FBXO15: variants seen among roughly 807,000 people sequenced by gnomAD.
The protein encoded by FBXO15 is F-box only protein 15.
A neutral mutation model predicts 49.5 loss-of-function variants in FBXO15; 30 were observed. The ratio of observed to expected loss-of-function variants is 0.61; its 90% CI spans 0.45 to 0.82. FBXO15 has a LOEUF of 0.82. Among genes scored for constraint, FBXO15 ranks in the 40% least tolerant of loss-of-function variants. The probability of loss-of-function intolerance (pLI) is 0.00; values close to 1 mark genes in which losing one functional copy is unlikely to be tolerated. For synonymous variants in FBXO15, 250 were observed against 232.7 expected (o/e 1.07, Z -0.68); for missense variants, 591 against 631.5 (o/e 0.94, Z 0.69).
chr18:74,111,856 T>A (rs1417364860), intron 8 of FBXO15, among the ~76,000 whole-genome samples: 1 of 152,032 alleles, frequency 6.6e-6, no homozygotes, highest in African/African-American at 2.4e-5. Context: ...AAAATGGGAA[T>A]ATCAGTGTAG....
At position 74,074,027 on chromosome 18, in the gene FBXO15, AG is replaced by A. The variant is rs1431537504; in HGVS notation, c.1264-298del. Among the ~76,000 whole-genome samples the A allele has an allele frequency of 2.6e-5, 4 of 152,132 alleles. No individual in the cohort carries two copies. The highest frequency in any genetic ancestry group is 9.7e-5 in the African/African-American group (4 of 41,430). ...CAAATATTGTCCCTCTCCTCATGGA[AG>A]TTAAAGTACAGTGGCTACAGATGTG... On this transcript the variant is annotated intron_variant, in intron 9 of 9. Transcript: ENST00000419743. The surrounding 1 kb of genome is among the most constrained non-coding windows in gnomAD (Gnocchi z 4.7).
chr18:74,100,922 T>C (rs1339120250), intron 8 of FBXO15, among the ~76,000 whole-genome samples: 1 of 151,998 alleles, frequency 6.6e-6, no homozygotes, highest in East Asian at 1.9e-4. Context: ...ATTTAAAAAT[T>C]ACCACCAACA....
chr18:74,137,912 A>T (rs1474994755), intron 2 of FBXO15, among the ~76,000 whole-genome samples: 1 of 152,134 alleles, frequency 6.6e-6, no homozygotes, highest in Non-Finnish European at 1.5e-5. Context: ...CATATTGTGG[A>T]TCTATCCCAA....
At chr18:74,090,872 T>C (rs1912994625) in intron 8 of FBXO15, among the ~76,000 whole-genome samples, 1 of 152,178 alleles carries the variant, frequency 6.6e-6, no homozygotes, top group African/African-American at 2.4e-5. Context: ...GAGAAGAGCG[T>C]ATATTCTGTT....
chr18:74,084,626 T>C (rs1912660101), intron 8 of FBXO15, among the ~76,000 whole-genome samples: 1 of 152,200 alleles, frequency 6.6e-6, no homozygotes, highest in South Asian at 2.1e-4. Context: ...ATAAACTCTG[T>C]TCTTGGAGAC....
intron 8 of FBXO15, among the ~76,000 whole-genome samples, chr18:74,108,375 A>ATGCCAGAGATTAAAAACCCGG (rs1913862971): frequency 6.6e-6 from 1 of 152,172 alleles, no homozygotes; most frequent in African/African-American, 2.4e-5. Context: ...ACCAAAATAA[A>ATGCCAGAGATTAAAAACCCGG]TGCCAGAGAT....
At chr18:74,087,662 C>T (rs541928074) in intron 8 of FBXO15, among the ~76,000 whole-genome samples, 2 of 152,168 alleles carry the variant, frequency 1.3e-5, no homozygotes, top group Non-Finnish European at 2.9e-5. Flanking sequence ...GTGAATAGTG[C>T]TGTAGTGAAC....
rs538140212 is a variant in FBXO15, at chr18:74,147,814, G to A, written c.-29C>T. ...GACAAGGAGTTCACCACAGGACCGC[G>A]CCAGGGCTGAAACGAAGAGTGCACG... On this transcript the variant is annotated 5_prime_UTR_variant, in exon 1 of 10. Coordinates refer to ENST00000419743, the MANE Select transcript of FBXO15 (RefSeq NM_001142958.2). 2.0e-6 allele frequency: 3 copies of A among 1,491,798 alleles called. No homozygotes were observed. The highest frequency in any genetic ancestry group is 2.7e-6 in the Non-Finnish European group (3 of 1,121,402). 92.4% of individuals were successfully genotyped at this position (1,491,798 alleles called of 1,614,324 possible).
At chr18:74,088,038 C>T (rs1912826622) in intron 8 of FBXO15, among the ~76,000 whole-genome samples, 1 of 152,138 alleles carries the variant, frequency 6.6e-6, no homozygotes, top group South Asian at 2.1e-4. Context: ...CTGTTCATGT[C>T]CTTTGCCTAC....
Position 74,099,082 on chromosome 18 carries a change from G to A in FBXO15, c.1139-17031C>T, listed in dbSNP as rs117049776. Reference sequence around the variant, plus strand: ...AAAGGTTGCACTGAGCCAAGATTACGCCACTGCACTCCAGTATGGGCAAAG... The same window carrying A: ...AAAGGTTGCACTGAGCCAAGATTACACCACTGCACTCCAGTATGGGCAAAG... On this transcript the variant is annotated intron_variant, in intron 8 of 9. Transcript: ENST00000419743. The A allele has an allele frequency of 5.2e-3, 798 of 152,178 alleles. 1 individual carries two copies. The highest frequency in any genetic ancestry group is 8.3e-3 in the Non-Finnish European group (567 of 68,032). The allele number at this position is 152,178 out of a possible 1,614,324, so 9.4% of individuals were successfully genotyped here. A position where few individuals can be genotyped will look rare whatever the true frequency, so the allele number is the denominator to read the frequency against.
At chr18:74,083,256 T>TC (rs1454534997) in intron 8 of FBXO15, among the ~76,000 whole-genome samples, 11 of 152,088 alleles carry the variant, frequency 7.2e-5, no homozygotes, top group Admixed American at 3.3e-4. Context: ...CCTTCCACTC[T>TC]CCCCAGGCAT....
chr18:74,093,272 G>GT (rs1024948010), intron 8 of FBXO15, among the ~76,000 whole-genome samples: 1 of 150,238 alleles, frequency 6.7e-6, no homozygotes, highest in Non-Finnish European at 1.5e-5. Flanking sequence ...ATGGGGGGGG[G>GT]GTGGCTGCAG....
chr18:74,082,021 A>G lies in FBXO15; in HGVS notation c.1169T>C (p.Ile390Thr). 6.2e-7 allele frequency: 1 copy of G among 1,612,434 alleles called. No homozygotes were observed. Residue 390 changes from isoleucine to threonine, a missense_variant, in exon 9 of 10, where the codon ATT (isoleucine) becomes ACT (threonine). Transcript: ENST00000419743. The stretch of plus-strand genomic sequence containing the variant: ...TCTGTTATTTTTTAAATGTATAACA[A>G]TGAGCTTCACATGTCCATTTTCAAT... ...GNIENGHVKL[I>T]VIHLKNNREH...
chr18:74,125,456 C>T (rs1046627844), intron 6 of FBXO15, among the ~76,000 whole-genome samples: 1 of 152,280 alleles, frequency 6.6e-6, no homozygotes, highest in Non-Finnish European at 1.5e-5. Context: ...AAAATATCAG[C>T]CAGACCTGGT....
intron 8 of FBXO15, among the ~76,000 whole-genome samples, chr18:74,105,308 T>C (rs1454240813): frequency 2.0e-5 from 3 of 152,208 alleles, no homozygotes. Flanking sequence ...TTCAAATGTT[T>C]CTAACATAAA....
intron 6 of FBXO15, among the ~76,000 whole-genome samples, chr18:74,125,403 T>C (rs1914663991): frequency 6.6e-6 from 1 of 152,242 alleles, no homozygotes. Flanking sequence ...TGTAAACTAA[T>C]GCATAACGCC....
intron 7 of FBXO15, 103 bp from the exon 8 acceptor site, chr18:74,123,613 T>A: frequency 8.2e-7 from 1 of 1,218,920 alleles, no homozygotes; most frequent in Non-Finnish European, 1.1e-6. Context: ...ATCAAAGCAC[T>A]ACCTCCTACA....
intron 1 of FBXO15, 22 bp downstream of exon 1, chr18:74,147,648 C>A: frequency 7.2e-7 from 1 of 1,393,922 alleles, no homozygotes; most frequent in South Asian, 1.6e-5. Flanking sequence ...CAGGGGACCC[C>A]ACCCGCAGGC....
chr18:74,073,612 C>T lies in FBXO15; in HGVS notation c.1382G>A (p.Gly461Glu), dbSNP rs761868127. ...AACGTAGTCCACGTTGTATGTCTGT[C>T]CCAAGAAGCTAGAGCTGTCAGAGGG... The part of the protein sequence containing the change: ...ATPSDSSSFL[G>E]QTYNVDYVDA... The change falls in exon 10 of 10, where the codon GGA (glycine) becomes GAA (glutamate). Residue 461 changes from glycine to glutamate, a missense_variant. By Grantham distance (98) the Gly-to-Glu change is moderately conservative. Transcript: ENST00000419743. 1 of 1,614,164 alleles carries T rather than the reference C, an allele frequency of 6.2e-7. No individual in the cohort carries two copies. Among genetic ancestry groups the T allele is most frequent in the Non-Finnish European group, 8.5e-7 (1 of 1,180,034 alleles).
Sources: allele counts gnomAD v4.1 joint callset (sites outside exome capture counted in the v4.1 genomes callset), GRCh38; gene constraint gnomAD v4.1.1; non-coding constraint Gnocchi (gnomAD v3.1); transcripts MANE v1.5; gene names NCBI Gene and HGNC (gene_info 2026-07-23, HGNC 2026-07-21).